FASTKD2: variants seen among roughly 807,000 people sequenced by gnomAD.
FASTKD2 encodes FAST kinase domains 2, also known as FAST kinase domain-containing protein 2, mitochondrial.
FASTKD2 carries 51 observed loss-of-function variants against 63.6 expected under a neutral mutation model. That is an observed-to-expected ratio of 0.80 (90% confidence interval 0.64 to 1.01). FASTKD2 has a LOEUF of 1.01. FASTKD2 is among the 50% of genes least tolerant of loss of function. The probability of loss-of-function intolerance (pLI) is 0.00; values close to 1 mark genes in which losing one functional copy is unlikely to be tolerated. For synonymous variants in FASTKD2, 284 were observed against 293.4 expected (o/e 0.97, Z 0.33); for missense variants, 786 against 831.1 (o/e 0.95, Z 0.67).
intron 7 of FASTKD2, among the ~76,000 whole-genome samples, chr2:206,786,340 A>G (rs1029761988): frequency 1.1e-4 from 17 of 152,192 alleles, no homozygotes; most frequent in African/African-American, 4.1e-4. Context: ...GTTATAGAAA[A>G]TCTAGCATAA....
chr2:206,776,073 A>T (rs1027016056), intron 7 of FASTKD2, among the ~76,000 whole-genome samples: 2 of 151,510 alleles, frequency 1.3e-5, no homozygotes, highest in Non-Finnish European at 3.0e-5. Flanking sequence ...TTTTTAAATC[A>T]TATTATTATT....
Position 206,791,964 on chromosome 2 carries a change from C to A in FASTKD2, c.*162C>A. On this transcript the variant is annotated 3_prime_UTR_variant, in exon 12 of 12. Transcript: ENST00000402774. ...AGGAGTGGAAGAAATGTTGTTACTG[C>A]CATTTAAAAATATGCTGAGAAAATT... is the stretch of plus-strand genomic sequence containing the variant. 1 of 661,674 alleles carries A rather than the reference C, an allele frequency of 1.5e-6. No individual in the cohort carries two copies. Among genetic ancestry groups the A allele is most frequent in the Non-Finnish European group, 2.6e-6 (1 of 389,100 alleles). 41.0% of individuals were successfully genotyped at this position (661,674 alleles called of 1,614,324 possible). A position where few individuals can be genotyped will look rare whatever the true frequency, so the allele number is the denominator to read the frequency against.
rs772231082 is a variant in FASTKD2 at position 206,790,694 on chromosome 2, A to C, written c.2013+8A>C. 4 of 1,481,986 alleles carry C rather than the reference A, an allele frequency of 2.7e-6. No homozygotes were observed. In the African/African-American group the frequency reaches 5.5e-5, roughly 21 times the overall value. The allele number at this position is 1,481,986 out of a possible 1,614,324, so 91.8% of individuals were successfully genotyped here. On this transcript the variant is annotated splice_region_variant and intron_variant, in intron 11 of 11. Transcript: ENST00000402774. ...GGTTTTCATGTGATCTTGGTGAGAA[A>C]AAAATGCAAATGAAATATTCTTTAA...
Position 206,767,473 on chromosome 2 carries a change from A to G in FASTKD2, c.777+3A>G, listed in dbSNP as rs759958558. 1.1e-5 allele frequency: 18 copies of G among 1,606,242 alleles called. No homozygotes were observed. Among genetic ancestry groups the G allele is most frequent in the Non-Finnish European group, 1.5e-5 (18 of 1,178,678 alleles). Reference sequence around the variant, plus strand: ...AGACTTTGCTGAGGGTGACCCAGGTAAAATAAAAAGGAGATTTAAACATGC... The same window carrying G: ...AGACTTTGCTGAGGGTGACCCAGGTGAAATAAAAAGGAGATTTAAACATGC... On this transcript the variant is annotated splice_donor_region_variant and intron_variant, in intron 2 of 11. Coordinates refer to ENST00000402774, the MANE Select transcript of FASTKD2 (RefSeq NM_001136193.2).
At chr2:206,777,597 A>T (rs1281789592) in intron 7 of FASTKD2, among the ~76,000 whole-genome samples, 1 of 152,064 alleles carries the variant, frequency 6.6e-6, no homozygotes, top group African/African-American at 2.4e-5. Context: ...TTCATCAGGG[A>T]TATTGGCCTG....
chr2:206,790,748 G>A (rs919885924), intron 11 of FASTKD2, 62 bp downstream of exon 11: 1 of 987,278 alleles, frequency 1.0e-6, no homozygotes, highest in African/African-American at 1.6e-5. Context: ...ACAGCTGCCA[G>A]GAATCTTGTG....
At position 206,788,731 on chromosome 2, in the gene FASTKD2, C is replaced by CA. The variant is rs5838043; in HGVS notation, c.1814-71dup. 0.29 allele frequency: 162,241 copies of CA among 556,354 alleles called. 9,835 individuals are homozygous for CA. The highest frequency in any genetic ancestry group is 0.52 in the African/African-American group (20,594 of 39,426). 34.5% of individuals were successfully genotyped at this position (556,354 alleles called of 1,614,324 possible). A position where few individuals can be genotyped will look rare whatever the true frequency, so the allele number is the denominator to read the frequency against. On this transcript the variant is annotated intron_variant, in intron 9 of 11. Coordinates refer to ENST00000402774, the MANE Select transcript of FASTKD2 (RefSeq NM_001136193.2). ...TGGATGACAGAGCGAGACCACATCT[C>CA]AAAAAAAAAAAAAAAAAGGAAAAGA...
At chr2:206,777,797 G>A (rs1415969877) in intron 7 of FASTKD2, among the ~76,000 whole-genome samples, 1 of 152,090 alleles carries the variant, frequency 6.6e-6, no homozygotes, top group African/African-American at 2.4e-5. Context: ...TCATTGTTGG[G>A]AAGTTTTTGA....
rs142679382 is a variant in FASTKD2 at position 206,794,314 on chromosome 2, C to T, written c.*2512C>T. The stretch of plus-strand genomic sequence containing the variant: ...ATATCCAAATATTTTTTTCAGAATC[C>T]CTAATGAAAAGGTTGATCTTGCTCT... On this transcript the variant is annotated 3_prime_UTR_variant, in exon 12 of 12. Coordinates refer to ENST00000402774, the MANE Select transcript of FASTKD2 (RefSeq NM_001136193.2). 1.3e-5 allele frequency among the ~76,000 whole-genome samples: 2 copies of T among 152,026 alleles called. No individual in the cohort carries two copies. Among genetic ancestry groups the T allele is most frequent in the East Asian group, 3.9e-4 (2 of 5,190 alleles).
At chr2:206,770,339 C>T (rs1004454531) in intron 3 of FASTKD2, 145 bp downstream of exon 3, 2 of 688,506 alleles carry the variant, frequency 2.9e-6, no homozygotes, top group Non-Finnish European at 5.3e-6. Flanking sequence ...TCTTTCATAC[C>T]TTATTAAGCT....
At position 206,793,640 on chromosome 2, in the gene FASTKD2, CTAATTA is replaced by C. The variant is rs763848406; in HGVS notation, c.*1840_*1845del. On this transcript the variant is annotated 3_prime_UTR_variant, in exon 12 of 12. Coordinates refer to ENST00000402774, the MANE Select transcript of FASTKD2 (RefSeq NM_001136193.2). The stretch of plus-strand genomic sequence containing the variant: ...TTGAGTGTGCATCAGTTTTGAGTGT[CTAATTA>C]TGACTCCTCTTCAAAGGATTTGACA... Among the ~76,000 whole-genome samples, 57 of 152,302 alleles carry C rather than the reference CTAATTA, an allele frequency of 3.7e-4. No homozygotes were observed. The highest frequency in any genetic ancestry group is 7.3e-4 in the Non-Finnish European group (50 of 68,032).
At chr2:206,771,332 A>C (rs779446873) in intron 4 of FASTKD2, 42 bp downstream of exon 4, 1 of 1,207,436 alleles carries the variant, frequency 8.3e-7, no homozygotes, top group Non-Finnish European at 1.2e-6. Context: ...ATTTGAAAAA[A>C]TCTTTCTTAT....
At chr2:206,780,007 C>T (rs570642933) in intron 7 of FASTKD2, among the ~76,000 whole-genome samples, 3 of 152,274 alleles carry the variant, frequency 2.0e-5, no homozygotes, top group African/African-American at 7.2e-5. Flanking sequence ...CCATTGCATA[C>T]AAAAGCTGTA....
intron 7 of FASTKD2, among the ~76,000 whole-genome samples, chr2:206,786,229 T>A (rs1482256439): frequency 2.0e-5 from 3 of 152,222 alleles, no homozygotes; most frequent in Non-Finnish European, 2.9e-5. Context: ...CTGTGTACCA[T>A]TAGCTGTGGG....
chr2:206,789,862 GT>G (rs1690236068), intron 10 of FASTKD2: 1 of 152,174 alleles, frequency 6.6e-6, no homozygotes, highest in African/African-American at 2.4e-5. Context: ...TAAAATAACA[GT>G]TGTTCTCAGC....
intron 6 of FASTKD2, among the ~76,000 whole-genome samples, chr2:206,772,941 C>T (rs1397298348): frequency 6.6e-6 from 1 of 152,128 alleles, no homozygotes; most frequent in African/African-American, 2.4e-5. Context: ...CACCGTAAGT[C>T]AAGGACAATC....
chr2:206,788,635 TG>T (rs1163469334), intron 9 of FASTKD2, among the ~76,000 whole-genome samples, 183 bp from the exon 10 acceptor site: 1 of 144,558 alleles, frequency 6.9e-6, no homozygotes, highest in Non-Finnish European at 1.5e-5. Context: ...CTCAACAGGG[TG>T]GGGTAAAAGG....
At chr2:206,781,990 G>A (rs1197608945) in intron 7 of FASTKD2, among the ~76,000 whole-genome samples, 2 of 152,152 alleles carry the variant, frequency 1.3e-5, no homozygotes, top group Admixed American at 6.5e-5. Context: ...CTGAATCCTC[G>A]GGTTGCGTAC....
intron 7 of FASTKD2, among the ~76,000 whole-genome samples, chr2:206,776,446 C>G (rs1361930452): frequency 6.6e-6 from 1 of 151,950 alleles, no homozygotes; most frequent in Non-Finnish European, 1.5e-5. Context: ...CATTGCCTAA[C>G]TAAGCCAATG....
Sources: allele counts gnomAD v4.1 joint callset (sites outside exome capture counted in the v4.1 genomes callset), GRCh38; gene constraint gnomAD v4.1.1; transcripts MANE v1.5; gene names NCBI Gene and HGNC (gene_info 2026-07-23, HGNC 2026-07-21).